JTB: variants seen among roughly 807,000 people sequenced by gnomAD.
The protein encoded by JTB is protein JTB.
JTB carries 10 observed loss-of-function variants against 22.1 expected under a neutral mutation model. The observed-to-expected ratio is 0.45, with a 90% CI of 0.28 to 0.77. The LOEUF is 0.77. Among genes scored for constraint, JTB ranks in the 30% least tolerant of loss-of-function variants. The pLI is 0.13. For synonymous variants in JTB, 83 were observed against 66.8 expected (o/e 1.24, Z -1.18); for missense variants, 137 against 180.3 (o/e 0.76, Z 1.38).
chr1:153,975,753 G>A (rs1648773849), intron 4 of JTB, 73 bp downstream of exon 4: 2 of 1,208,322 alleles, frequency 1.7e-6, no homozygotes, highest in South Asian at 2.5e-5. Context: ...CAGACCAGGG[G>A]AAAAGGTGGG....
chr1:153,975,604 G>C (rs1648766108), intron 4 of JTB, among the ~76,000 whole-genome samples: 2 of 151,976 alleles, frequency 1.3e-5, no homozygotes, highest in South Asian at 4.2e-4. Flanking sequence ...ATTTTTAGTA[G>C]AGATGGGGTT....
chr1:153,976,949 G>C, intron 2 of JTB, 27 bp downstream of exon 2: 1 of 1,614,070 alleles, frequency 6.2e-7, no homozygotes, highest in Non-Finnish European at 8.5e-7. Flanking sequence ...ACGACGGGAC[G>C]TGTCGGGTTC....
rs947878077 is a variant in JTB, at chr1:153,977,612, G to T, written c.-360C>A. On this transcript the variant is annotated 5_prime_UTR_variant, in exon 1 of 5. Transcript: ENST00000271843. ...TCCTCGGGCGCGGGACCGAGCTCGG[G>T]GCCCGGTGTTCCCGGGGGCGTTCGG... 2.9e-6 allele frequency: 3 copies of T among 1,025,082 alleles called. No individual in the cohort carries two copies. In the Admixed American group the frequency reaches 1.7e-4, roughly 59 times the overall value. 63.5% of individuals were successfully genotyped at this position (1,025,082 alleles called of 1,614,324 possible). A position where few individuals can be genotyped will look rare whatever the true frequency, so the allele number is the denominator to read the frequency against.
chr1:153,974,507 A>C lies in JTB; in HGVS notation c.*172T>G, dbSNP rs527720644. On this transcript the variant is annotated 3_prime_UTR_variant, in exon 5 of 5. Coordinates refer to ENST00000271843, the MANE Select transcript of JTB (RefSeq NM_006694.4). Reference sequence around the variant, plus strand: ...TTCCTGCTCCAAGTTACAGAAGGGAAGGAAACCATTTTACTCTTTTTATTC... The same window carrying C: ...TTCCTGCTCCAAGTTACAGAAGGGACGGAAACCATTTTACTCTTTTTATTC... 16 of 536,526 alleles carry C rather than the reference A, an allele frequency of 3.0e-5. No homozygotes were observed. The African/African-American group carries it at 3.0e-4, about 10-fold the overall frequency. 33.2% of individuals were successfully genotyped at this position (536,526 alleles called of 1,614,324 possible).
chr1:153,974,549 G>C lies in JTB; in HGVS notation c.*130C>G. On this transcript the variant is annotated 3_prime_UTR_variant, in exon 5 of 5. Transcript: ENST00000271843. ...TTTTTATTCTGCTCATTAATGATCT[G>C]AAAGAAGAAGATGGGGAAAAGGGGA... 3 of 741,090 alleles carry C rather than the reference G, an allele frequency of 4.0e-6. No individual in the cohort carries two copies. Among genetic ancestry groups the C allele is most frequent in the Non-Finnish European group, 6.6e-6 (3 of 453,382 alleles). The allele number at this position is 741,090 out of a possible 1,614,324, so 45.9% of individuals were successfully genotyped here.
chr1:153,975,750 G>A lies in JTB; in HGVS notation c.284+76C>T, dbSNP rs1305519757. On this transcript the variant is annotated intron_variant, in intron 4 of 4. Coordinates refer to ENST00000271843, the MANE Select transcript of JTB (RefSeq NM_006694.4). ...GATATTCCATGCTACCCCCAGACCA[G>A]GGGAAAAGGTGGGACCATCCATCTA... 4 of 1,173,910 alleles carry A rather than the reference G, an allele frequency of 3.4e-6. No individual in the cohort carries two copies. The Admixed American group carries it at 5.3e-5, about 16-fold the overall frequency. The allele number at this position is 1,173,910 out of a possible 1,614,324, so 72.7% of individuals were successfully genotyped here.
In JTB at chr1:153,974,690, C is replaced by G; in HGVS notation, c.430G>C (p.Glu144Gln). ...KALEKVRKQI[E>Q]SI ...AGGGTGGAATGTAGCTATATGGACTCGATTTGCTTCCGGACCTTTTCCAGA... is the reference window on the plus strand; with the variant it reads ...AGGGTGGAATGTAGCTATATGGACTGGATTTGCTTCCGGACCTTTTCCAGA... The change falls in exon 5 of 5, where the codon GAG becomes CAG. Residue 144 changes from glutamate (E) to glutamine (Q), a missense_variant. Coordinates refer to ENST00000271843, the MANE Select transcript of JTB (RefSeq NM_006694.4). 6.2e-7 allele frequency: 1 copy of G among 1,612,710 alleles called. No homozygotes were observed. The highest frequency in any genetic ancestry group is 8.5e-7 in the Non-Finnish European group (1 of 1,178,838).
intron 4 of JTB, among the ~76,000 whole-genome samples, chr1:153,975,226 GT>G (rs1424146457): frequency 6.6e-6 from 1 of 151,394 alleles, no homozygotes; most frequent in East Asian, 1.9e-4. Flanking sequence ...GGTTTAAGCA[GT>G]TTTCTGCTTC....
intron 1 of JTB, 73 bp downstream of exon 1, chr1:153,977,097 C>T (rs1254757369): frequency 6.2e-7 from 1 of 1,613,674 alleles, no homozygotes; most frequent in Non-Finnish European, 8.5e-7. Flanking sequence ...GATAAGATCT[C>T]CCCCAGCCCC....
intron 4 of JTB, 69 bp from the exon 5 acceptor site, chr1:153,974,904 C>A: frequency 6.6e-7 from 1 of 1,521,674 alleles, no homozygotes; most frequent in South Asian, 1.2e-5. Context: ...TTCCCTTCTA[C>A]TTCAGCCTAG....
chr1:153,976,844 A>G (rs1414176113), intron 2 of JTB, 69 bp from the exon 3 acceptor site: 2 of 1,596,428 alleles, frequency 1.3e-6, no homozygotes, highest in South Asian at 2.2e-5. Context: ...TGCCCATCCA[A>G]CTTCCCGGCA....
At chr1:153,975,980 G>C in intron 3 of JTB, 75 bp from the exon 4 acceptor site, 1 of 1,036,154 alleles carries the variant, frequency 9.7e-7, no homozygotes, top group Non-Finnish European at 1.5e-6. Flanking sequence ...CATTCAGAAG[G>C]TGCAGGTGCC....
intron 4 of JTB, among the ~76,000 whole-genome samples, chr1:153,975,420 CTTTTTTTTTTT>C (rs759464567): frequency 1.2e-4 from 13 of 112,364 alleles, no homozygotes; most frequent in African/African-American, 2.0e-4. Context: ...CTCCCAGCCT[CTTTTTTTTTTT>C]TTTTTTTTTG....
chr1:153,976,581 A>T (rs1648802894), intron 3 of JTB, 112 bp downstream of exon 3: 1 of 886,172 alleles, frequency 1.1e-6, no homozygotes, highest in South Asian at 1.5e-5. Flanking sequence ...CTGCAAGAAG[A>T]AAGAAAAAAA....
chr1:153,976,598 G>A, intron 3 of JTB, 95 bp downstream of exon 3: 1 of 1,016,556 alleles, frequency 9.8e-7, no homozygotes, highest in Non-Finnish European at 1.5e-6. Flanking sequence ...AAAAGATGAT[G>A]CAAAGGCAGC....
In JTB at chr1:153,977,546, C is replaced by T. The variant is rs1648842241; in HGVS notation, c.-294G>A. On this transcript the variant is annotated 5_prime_UTR_variant, in exon 1 of 5. Transcript: ENST00000271843. ...TCGCGGCCCTAGCGCCCGCTCACCT[C>T]CGCTCCCGCCCCCGACGCAGCCATC... is the stretch of plus-strand genomic sequence containing the variant. 1 of 1,129,922 alleles carries T rather than the reference C, an allele frequency of 8.9e-7. No individual in the cohort carries two copies. The highest frequency in any genetic ancestry group is 1.1e-6 in the Non-Finnish European group (1 of 918,106). 70.0% of individuals were successfully genotyped at this position (1,129,922 alleles called of 1,614,324 possible). A position where few individuals can be genotyped will look rare whatever the true frequency, so the allele number is the denominator to read the frequency against.
rs964374400 is a variant in JTB at position 153,974,440 on chromosome 1, G to T, written c.*239C>A. On this transcript the variant is annotated 3_prime_UTR_variant, in exon 5 of 5. Coordinates refer to ENST00000271843, the MANE Select transcript of JTB (RefSeq NM_006694.4). ...TGGTGGGGAAGACTTGGTAGATTGG[G>T]GCCTTAAGTAACCACCTCCTTTCCC... is the stretch of plus-strand genomic sequence containing the variant. 7.0e-6 allele frequency: 3 copies of T among 431,292 alleles called. No individual in the cohort carries two copies. The highest frequency in any genetic ancestry group is 5.8e-5 in the African/African-American group (3 of 51,384). The allele number at this position is 431,292 out of a possible 1,614,324, so 26.7% of individuals were successfully genotyped here. A position where few individuals can be genotyped will look rare whatever the true frequency, so the allele number is the denominator to read the frequency against.
In JTB at chr1:153,974,671, G is replaced by C; in HGVS notation, c.*8C>G. On this transcript the variant is annotated 3_prime_UTR_variant, in exon 5 of 5. Coordinates refer to ENST00000271843, the MANE Select transcript of JTB (RefSeq NM_006694.4). ...CTCTAAGACCCAGGATACAAGGGTG[G>C]AATGTAGCTATATGGACTCGATTTG... The C allele has an allele frequency of 6.2e-7, 1 of 1,605,848 alleles. No homozygotes were observed. The highest frequency in any genetic ancestry group is 1.1e-5 in the South Asian group (1 of 90,936).
Position 153,977,305 on chromosome 1 carries a change from C to T in JTB, c.-53G>A. 2.5e-6 allele frequency: 4 copies of T among 1,596,626 alleles called. No individual in the cohort carries two copies. Among genetic ancestry groups the T allele is most frequent in the Non-Finnish European group, 3.4e-6 (4 of 1,171,458 alleles). ...ACAGAGGGACCTACTCCACAGGCCT[C>T]GTGCCTCCGTCGGAGCGCAGAGGCG... On this transcript the variant is annotated 5_prime_UTR_variant, in exon 1 of 5. Transcript: ENST00000271843.
Sources: allele counts gnomAD v4.1 joint callset (sites outside exome capture counted in the v4.1 genomes callset), GRCh38; gene constraint gnomAD v4.1.1; transcripts MANE v1.5; gene names NCBI Gene and HGNC (gene_info 2026-07-23, HGNC 2026-07-21).